Variants in POU2AF2 observed in about 807,000 individuals in gnomAD.
POU2AF2 encodes POU class 2 homeobox associating factor 2.
At chr11:111,261,293 ATAAT>A in the POU2AF2 span, among the ~76,000 whole-genome samples, 6 of 84,938 alleles carry the variant, frequency 7.1e-5, no homozygotes, top group Admixed American at 2.4e-4. Flanking sequence ...ACACACACAC[ATAAT>A]TAAGTTCTGA....
chr11:111,263,909 G>A, the POU2AF2 span, among the ~76,000 whole-genome samples: 20 of 152,278 alleles, frequency 1.3e-4, no homozygotes, highest in African/African-American at 4.8e-4. Context: ...GTTATCATAA[G>A]GATTACATTT....
chr11:111,276,860 A>T, the POU2AF2 span, among the ~76,000 whole-genome samples: 18 of 152,190 alleles, frequency 1.2e-4, no homozygotes, highest in African/African-American at 4.3e-4. Context: ...GAAAGAGTTT[A>T]CTGTCAACAC....
chr11:111,266,543 G>GTA, the POU2AF2 span, among the ~76,000 whole-genome samples: 1 of 152,136 alleles, frequency 6.6e-6, no homozygotes, highest in Admixed American at 6.5e-5. Flanking sequence ...TGATGCTAAC[G>GTA]TTAATATTGG....
At chr11:111,260,120 G>A in the POU2AF2 span, among the ~76,000 whole-genome samples, 17 of 152,224 alleles carry the variant, frequency 1.1e-4, no homozygotes, top group African/African-American at 3.1e-4. Context: ...ATCATGTTAC[G>A]GGAGACACTG....
At chr11:111,256,024 G>A in the POU2AF2 span, 1 of 399,122 alleles carries the variant, frequency 2.5e-6, no homozygotes, top group African/African-American at 2.1e-5. Flanking sequence ...AGGAGTGAGA[G>A]TGAAGCATAC....
chr11:111,280,774 CT>C, the POU2AF2 span, among the ~76,000 whole-genome samples: 1 of 152,064 alleles, frequency 6.6e-6, no homozygotes, highest in Admixed American at 6.6e-5. Flanking sequence ...ACGTTCTCAA[CT>C]TAATAAGGAA....
chr11:111,285,792 C>T, the POU2AF2 span: 2 of 1,610,690 alleles, frequency 1.2e-6, no homozygotes, highest in African/African-American at 1.3e-5. Flanking sequence ...CACAGGGGCT[C>T]AAGCTGGGGG....
the POU2AF2 span, among the ~76,000 whole-genome samples, chr11:111,277,483 T>C: frequency 9.9e-5 from 15 of 152,214 alleles, no homozygotes; most frequent in Admixed American, 2.6e-4. Context: ...AGAGCAGATA[T>C]GTCAAAAGGT....
chr11:111,246,056 T>C, the POU2AF2 span, among the ~76,000 whole-genome samples: 3 of 152,254 alleles, frequency 2.0e-5, no homozygotes, highest in Non-Finnish European at 4.4e-5. Context: ...TAATTCTAGT[T>C]ACATTTAATT....
At chr11:111,259,077 A>G in the POU2AF2 span, among the ~76,000 whole-genome samples, 3 of 152,366 alleles carry the variant, frequency 2.0e-5, no homozygotes, top group African/African-American at 7.2e-5. Flanking sequence ...AACTGAAGAC[A>G]AAAGACCAGG....
At chr11:111,272,344 C>T in the POU2AF2 span, among the ~76,000 whole-genome samples, 24 of 152,282 alleles carry the variant, frequency 1.6e-4, 1 homozygote, top group East Asian at 1.4e-3. Context: ...CAGGCTATGT[C>T]ACTTAGCAGC....
the POU2AF2 span, among the ~76,000 whole-genome samples, chr11:111,267,809 C>T: frequency 6.6e-6 from 1 of 152,166 alleles, no homozygotes; most frequent in Admixed American, 6.5e-5. Context: ...ATAAATATAA[C>T]AGCTGATAAG....
At chr11:111,251,089 T>C in the POU2AF2 span, among the ~76,000 whole-genome samples, 2 of 152,276 alleles carry the variant, frequency 1.3e-5, no homozygotes, top group African/African-American at 4.8e-5. Context: ...GAAACTAGAC[T>C]AGGGCAGGGT....
chr11:111,285,558 C>T, the POU2AF2 span: 5 of 1,380,970 alleles, frequency 3.6e-6, no homozygotes, highest in Non-Finnish European at 2.9e-6. Context: ...AGAGAGGGGA[C>T]GAAGGCTGCC....
chr11:111,249,493 C>G, the POU2AF2 span, among the ~76,000 whole-genome samples: 1 of 152,292 alleles, frequency 6.6e-6, no homozygotes, highest in Non-Finnish European at 1.5e-5. Context: ...TGTACCCCTG[C>G]TTCAGAGCTT....
At chr11:111,250,180 G>C in the POU2AF2 span, among the ~76,000 whole-genome samples, 1 of 152,186 alleles carries the variant, frequency 6.6e-6, no homozygotes, top group Non-Finnish European at 1.5e-5. Context: ...TTTTGGGGGG[G>C]TTGGGGGGTG....
the POU2AF2 span, chr11:111,281,355 A>T: frequency 6.6e-7 from 1 of 1,509,938 alleles, no homozygotes; most frequent in Non-Finnish European, 9.1e-7. Context: ...TTAAATTCAA[A>T]CTTACAACTA....
the POU2AF2 span, among the ~76,000 whole-genome samples, chr11:111,256,873 T>TA: frequency 4.6e-5 from 7 of 152,102 alleles, no homozygotes; most frequent in South Asian, 2.1e-4. Context: ...AGAGATAACT[T>TA]AAAAAAAATC....
At chr11:111,259,958 C>A in the POU2AF2 span, among the ~76,000 whole-genome samples, 1 of 152,174 alleles carries the variant, frequency 6.6e-6, no homozygotes, top group South Asian at 2.1e-4. Context: ...ATGAATTGCC[C>A]TTACTGTCCA....
Sources: allele counts gnomAD v4.1 joint callset (sites outside exome capture counted in the v4.1 genomes callset), GRCh38; gene constraint gnomAD v4.1.1; transcripts MANE v1.5; gene names NCBI Gene and HGNC (gene_info 2026-07-23, HGNC 2026-07-21).